Variants in ATP11C observed in about 807,000 individuals in gnomAD.
ATP11C encodes the protein phospholipid-transporting ATPase IG.
ATP11C carries 36 observed loss-of-function variants against 97.4 expected under a neutral mutation model. The ratio of observed to expected loss-of-function variants is 0.37; its 90% CI spans 0.28 to 0.49. ATP11C has a LOEUF of 0.49. ATP11C is among the 20% of genes least tolerant of loss of function. ATP11C has a pLI of 0.98. For synonymous variants in ATP11C, 275 were observed against 290.9 expected (o/e 0.95, Z 0.56); for missense variants, 730 against 824.6 (o/e 0.89, Z 1.40).
intron 1 of ATP11C, among the ~76,000 whole-genome samples, chrX:139,851,890 T>C (rs1236684311): frequency 8.9e-6 from 1 of 112,164 alleles, no homozygotes. Context: ...GCTATTTTGA[T>C]AGCACATAAC....
intron 1 of ATP11C, among the ~76,000 whole-genome samples, chrX:139,897,986 T>C (rs1256936394): frequency 1.9e-5 from 2 of 107,850 alleles, no homozygotes; most frequent in African/African-American, 6.8e-5. Flanking sequence ...GTGGGGTGGG[T>C]AGAGAGTGAG....
At position 139,798,696 on chromosome X, in the gene ATP11C, T is replaced by C. The variant is rs1183274142; in HGVS notation, c.758A>G (p.Asn253Ser). The part of the protein sequence containing the change: ...NLLLKGATLK[N>S]TEKIYGVAVY... The stretch of plus-strand genomic sequence containing the variant: ...TTGTTCACCATATATCTTCTCGGTA[T>C]TTTTTAGCGTAGCTCCTTTCAGCAA... The change falls in exon 9 of 30, where the codon AAT becomes AGT. Residue 253 changes from asparagine to serine, a missense_variant. Transcript: ENST00000682941. 8.3e-7 allele frequency: 1 copy of C among 1,202,688 alleles called. No individual in the cohort carries two copies. The highest frequency in any genetic ancestry group is 1.8e-5 in the African/African-American group (1 of 56,927).
chrX:139,815,098 T>C lies in ATP11C; in HGVS notation c.319-113A>G, dbSNP rs113674983. 1.3e-4 allele frequency: 54 copies of C among 417,641 alleles called. 1 individual carries two copies. The highest frequency in any genetic ancestry group is 8.9e-4 in the African/African-American group (34 of 38,294). 34.4% of individuals were successfully genotyped at this position (417,641 alleles called of 1,213,427 possible). On this transcript the variant is annotated intron_variant, in intron 4 of 29. Transcript: ENST00000682941. Reference sequence around the variant, plus strand: ...CAAATATTTATAATTATAGCATTAATTTAAACTCAGAATGCTAAAGAGACA... The same window carrying C: ...CAAATATTTATAATTATAGCATTAACTTAAACTCAGAATGCTAAAGAGACA...
intron 1 of ATP11C, among the ~76,000 whole-genome samples, chrX:139,839,232 T>C (rs996421209): frequency 1.3e-4 from 15 of 111,437 alleles, no homozygotes; most frequent in East Asian, 1.1e-3. Flanking sequence ...GAGGGGAGAA[T>C]GCAGAGTAAC....
chrX:139,887,328 A>G (rs2084658819), intron 1 of ATP11C, among the ~76,000 whole-genome samples: 1 of 112,026 alleles, frequency 8.9e-6, no homozygotes, highest in Non-Finnish European at 1.9e-5. Flanking sequence ...AAAACCATTA[A>G]CCATAAAAGA....
At chrX:139,804,404 T>C in intron 6 of ATP11C, 67 bp downstream of exon 6, 1 of 854,159 alleles carries the variant, frequency 1.2e-6, no homozygotes, top group South Asian at 3.5e-5. Flanking sequence ...TAGAGGGTGA[T>C]GGGAGGCAGT....
chrX:139,901,205 T>C (rs760280724), intron 1 of ATP11C, among the ~76,000 whole-genome samples: 1 of 111,670 alleles, frequency 9.0e-6, no homozygotes, highest in Non-Finnish European at 1.9e-5. Flanking sequence ...AAATGAAGCA[T>C]GGCCCTGTGG....
rs1385588156 is a variant in ATP11C, at chrX:139,726,781, A to G, written c.*2185T>C. ...CAAATTATAGGTAGATGATCTTATT[A>G]TATTTTTTTCCCTTTCTCTGTCACA... On this transcript the variant is annotated 3_prime_UTR_variant, in exon 30 of 30. Coordinates refer to ENST00000682941, the MANE Select transcript of ATP11C (RefSeq NM_001353812.2). 2 of 112,030 alleles carry G rather than the reference A, an allele frequency of 1.8e-5. No individual in the cohort carries two copies. Among genetic ancestry groups the G allele is most frequent in the Non-Finnish European group, 3.8e-5 (2 of 53,096 alleles). The allele number at this position is 112,030 out of a possible 1,213,427, so 9.2% of individuals were successfully genotyped here. A position where few individuals can be genotyped will look rare whatever the true frequency, so the allele number is the denominator to read the frequency against.
chrX:139,926,381 GC>G (rs1345231496), intron 1 of ATP11C, among the ~76,000 whole-genome samples: 1 of 111,548 alleles, frequency 9.0e-6, no homozygotes, highest in Non-Finnish European at 1.9e-5. Flanking sequence ...CAAGCAATGA[GC>G]CTTGATTTTT....
Position 139,728,975 on chromosome X carries a change from A to T in ATP11C, c.*4-13T>A, listed in dbSNP as rs768747170. On this transcript the variant is annotated splice_polypyrimidine_tract_variant and intron_variant, in intron 29 of 29. Transcript: ENST00000682941. ...CAAGATTCGGATTCTGAAAAATGTA[A>T]AATATACAGATTTAAAAGGCTTATT... is the stretch of plus-strand genomic sequence containing the variant. 5.7e-5 allele frequency: 65 copies of T among 1,139,156 alleles called. No homozygotes were observed. The highest frequency in any genetic ancestry group is 7.3e-5 in the Non-Finnish European group (61 of 834,786). 93.9% of individuals were successfully genotyped at this position (1,139,156 alleles called of 1,213,427 possible).
At chrX:139,884,530 C>T (rs1360262163) in intron 1 of ATP11C, among the ~76,000 whole-genome samples, 2 of 111,560 alleles carry the variant, frequency 1.8e-5, no homozygotes, top group Non-Finnish European at 3.8e-5. Context: ...GCTATGTTGC[C>T]CAGGCTGGTC....
chrX:139,764,147 C>A (rs1282148148), intron 20 of ATP11C, among the ~76,000 whole-genome samples: 2 of 111,947 alleles, frequency 1.8e-5, no homozygotes, highest in Non-Finnish European at 3.8e-5. Context: ...TCCCTAGGAG[C>A]ACATCAACCC....
chrX:139,917,333 T>A (rs918416322), intron 1 of ATP11C, among the ~76,000 whole-genome samples: 38 of 112,083 alleles, frequency 3.4e-4, no homozygotes, highest in African/African-American at 1.1e-3. Flanking sequence ...AGACAAATGA[T>A]GAGACTACAT....
intron 18 of ATP11C, among the ~76,000 whole-genome samples, chrX:139,781,777 C>G (rs1399636955): frequency 9.0e-6 from 1 of 111,370 alleles, no homozygotes; most frequent in Non-Finnish European, 1.9e-5. Flanking sequence ...AAAACATACT[C>G]TGGTCTGTTG....
chrX:139,759,139 A>C (rs1010601947), intron 22 of ATP11C, among the ~76,000 whole-genome samples: 2 of 111,638 alleles, frequency 1.8e-5, no homozygotes, highest in African/African-American at 6.5e-5. Context: ...CTGAGGTTGA[A>C]GCAGGTAGAG....
At chrX:139,905,234 A>G (rs560488459) in intron 1 of ATP11C, among the ~76,000 whole-genome samples, 129 of 112,425 alleles carry the variant, frequency 1.1e-3, no homozygotes, top group South Asian at 4.0e-3. Context: ...CTGGGAAAAG[A>G]CGGGGCTTAC....
chrX:139,850,861 G>A (rs996238270), intron 1 of ATP11C, among the ~76,000 whole-genome samples: 6 of 111,142 alleles, frequency 5.4e-5, no homozygotes, highest in African/African-American at 2.0e-4. Flanking sequence ...AGTGAGCCAA[G>A]ATTGCACCAC....
chrX:139,844,637 A>G (rs911298511), intron 1 of ATP11C, among the ~76,000 whole-genome samples: 2 of 112,155 alleles, frequency 1.8e-5, no homozygotes, highest in Non-Finnish European at 3.8e-5. Context: ...CATTCTTTCC[A>G]AATCAAATCA....
chrX:139,840,236 A>G (rs752017989), intron 1 of ATP11C, among the ~76,000 whole-genome samples: 1 of 112,650 alleles, frequency 8.9e-6, no homozygotes, highest in East Asian at 2.8e-4. Context: ...CTTTGCAGAA[A>G]CTGCTTTAAG....
Sources: allele counts gnomAD v4.1 joint callset (sites outside exome capture counted in the v4.1 genomes callset), GRCh38; gene constraint gnomAD v4.1.1; transcripts MANE v1.5; gene names NCBI Gene and HGNC (gene_info 2026-07-23, HGNC 2026-07-21).